The following AHRR variants were observed in gnomAD, a reference collection of about 807,000 sequenced individuals.
AHRR encodes the protein ahR repressor.
A neutral mutation model predicts 44.0 loss-of-function variants in AHRR; 28 were observed. The observed-to-expected ratio is 0.64, with a 90% CI of 0.47 to 0.87. AHRR has a LOEUF of 0.87. AHRR is among the 40% of genes least tolerant of loss of function. The pLI, the probability that AHRR is intolerant of heterozygous loss-of-function variation, is 0.00. For missense variants in AHRR, 990 were observed against 953.9 expected (o/e 1.04, Z -0.50); for synonymous variants, 434 against 407.0 (o/e 1.07, Z -0.80).
In AHRR at chr5:434,250, G is replaced by A. The variant is rs371802661; in HGVS notation, c.1510G>A (p.Gly504Ser). The A allele has an allele frequency of 3.8e-6, 6 of 1,598,668 alleles. No individual in the cohort carries two copies. The highest frequency in any genetic ancestry group is 2.3e-5 in the South Asian group (2 of 88,058). ...TGGAGCTCAGCGTTTTGCCACGAGG[G>A]GCTATCCCATGGAGGACATGAAGCT... ...QPGAQRFATR[G>S]YPMEDMKLQG... The change falls in exon 11 of 11, where the codon GGC becomes AGC. Residue 504 changes from glycine to serine, a missense_variant. Gly to Ser is a moderately conservative substitution (Grantham distance 56). Transcript: ENST00000684583.
In AHRR at chr5:434,261, G is replaced by C; in HGVS notation, c.1521G>C (p.Met507Ile). The C allele has an allele frequency of 2.5e-6, 4 of 1,602,390 alleles. No individual in the cohort carries two copies. The South Asian group carries it at 3.4e-5, about 14-fold the overall frequency. ...GTTTTGCCACGAGGGGCTATCCCAT[G>C]GAGGACATGAAGCTGCAAGGTGTAC... ...AQRFATRGYP[M>I]EDMKLQGVPM... Residue 507 changes from methionine (M) to isoleucine (I), a missense_variant, in exon 11 of 11, where the codon ATG becomes ATC. By Grantham distance (10) the Met-to-Ile change is conservative (BLOSUM62 1). Coordinates refer to ENST00000684583, the MANE Select transcript of AHRR (RefSeq NM_001377236.1).
Position 342,674 on chromosome 5 carries a change from C to T in AHRR, c.-10-1219C>T, listed in dbSNP as rs1742386093. Among the ~76,000 whole-genome samples, 1 of 152,254 alleles carries T rather than the reference C, an allele frequency of 6.6e-6. No individual in the cohort carries two copies. The highest frequency in any genetic ancestry group is 1.5e-5 in the Non-Finnish European group (1 of 68,050). Reference sequence around the variant, plus strand: ...GGTCAGGTGAGGGCTCCTTAACTTCCTCCCCAAGGCTTCTGGCCCAGAGCC... The same window carrying T: ...GGTCAGGTGAGGGCTCCTTAACTTCTTCCCCAAGGCTTCTGGCCCAGAGCC... On this transcript the variant is annotated intron_variant, in intron 1 of 10. Coordinates refer to ENST00000684583, the MANE Select transcript of AHRR (RefSeq NM_001377236.1). The surrounding 1 kb of genome is among the most constrained non-coding windows in gnomAD (Gnocchi z 4.3).
intron 3 of AHRR, 122 bp from the exon 4 acceptor site, chr5:376,488 C>T: frequency 2.7e-5 from 1 of 36,430 alleles, no homozygotes; most frequent in Non-Finnish European, 7.4e-5. Context: ...CAGTGCAGCC[C>T]AGGCCAGATG....
At chr5:369,813 T>C (rs557259855) in intron 3 of AHRR, among the ~76,000 whole-genome samples, 1 of 152,380 alleles carries the variant, frequency 6.6e-6, no homozygotes, top group South Asian at 2.1e-4. Context: ...GACATTTTCT[T>C]CCGGAATGTA....
At chr5:382,850 G>A (rs1355742000) in intron 4 of AHRR, among the ~76,000 whole-genome samples, 2 of 151,872 alleles carry the variant, frequency 1.3e-5, no homozygotes, top group African/African-American at 4.8e-5. Context: ...TAAGATGGAA[G>A]TTTAAATCAC....
intron 4 of AHRR, among the ~76,000 whole-genome samples, chr5:398,023 C>T (rs1734824663): frequency 2.3e-5 from 3 of 129,168 alleles, no homozygotes; most frequent in African/African-American, 2.8e-5. Context: ...TGACCATCCA[C>T]GTAGCTCCTG....
In AHRR at chr5:435,106, A is replaced by G. The variant is rs1579720523; in HGVS notation, c.*272A>G. 9 of 482,540 alleles carry G rather than the reference A, an allele frequency of 1.9e-5. 1 individual carries two copies. The East Asian group carries it at 3.2e-4, about 17-fold the overall frequency. 29.9% of individuals were successfully genotyped at this position (482,540 alleles called of 1,614,324 possible). ...TTTGAGGAATTAAAATCTTTAGGAA[A>G]GTGATCATGGCTGGACAGCTTCATG... On this transcript the variant is annotated 3_prime_UTR_variant, in exon 11 of 11. Coordinates refer to ENST00000684583, the MANE Select transcript of AHRR (RefSeq NM_001377236.1).
chr5:434,635 A>C lies in AHRR; in HGVS notation c.1895A>C (p.His632Pro). Reference protein sequence around the residue: ...TDGLPQSEPPHQLCARGRGEQ... With the variant: ...TDGLPQSEPPPQLCARGRGEQ... ...GGCCTTCCCCAGTCGGAGCCTCCCC[A>C]CCAGCTCTGTGCACGGGGCCGAGGT... Residue 632 changes from histidine to proline, a missense_variant, in exon 11 of 11, where the codon CAC (histidine) becomes CCC (proline). Physicochemically the swap from His to Pro is moderately conservative, Grantham distance 77 (BLOSUM62 -2). Coordinates refer to ENST00000684583, the MANE Select transcript of AHRR (RefSeq NM_001377236.1). 6.4e-7 allele frequency: 1 copy of C among 1,562,548 alleles called. No homozygotes were observed. The highest frequency in any genetic ancestry group is 2.4e-5 in the East Asian group (1 of 41,800).
intron 2 of AHRR, among the ~76,000 whole-genome samples, chr5:344,395 T>G (rs28374922): frequency 1.9e-5 from 2 of 105,772 alleles, no homozygotes; most frequent in East Asian, 2.5e-4. Context: ...TGTCTGCGGG[T>G]GGGGAGGGCT....
At chr5:343,564 C>G (rs568223733) in intron 1 of AHRR, 2 of 354,252 alleles carry the variant, frequency 5.6e-6, no homozygotes, top group East Asian at 1.3e-4. Flanking sequence ...TCCTGGCTTC[C>G]TCGATGGCTT....
At chr5:427,602 T>G (rs1185290986) in intron 7 of AHRR, 26 of 1,611,444 alleles carry the variant, frequency 1.6e-5, no homozygotes, top group Non-Finnish European at 2.0e-5. Context: ...GGGGATGGTT[T>G]CAGGATGATT....
chr5:433,239 C>G (rs1304557008), intron 10 of AHRR, among the ~76,000 whole-genome samples: 1 of 152,130 alleles, frequency 6.6e-6, no homozygotes, highest in Non-Finnish European at 1.5e-5. Context: ...CACTCGGACC[C>G]TGGGTCACCC....
chr5:341,679 G>A (rs763271070), intron 1 of AHRR, among the ~76,000 whole-genome samples: 12 of 151,558 alleles, frequency 7.9e-5, no homozygotes, highest in Non-Finnish European at 1.8e-4. Flanking sequence ...GAGCCACCAC[G>A]CCCTGCCAAT....
intron 3 of AHRR, among the ~76,000 whole-genome samples, chr5:366,417 G>A (rs982325941): frequency 1.5e-5 from 2 of 134,560 alleles, no homozygotes; most frequent in African/African-American, 5.8e-5. Context: ...TGATTTTATA[G>A]GGTCACATTT....
Position 434,193 on chromosome 5 carries a change from C to G in AHRR, c.1453C>G (p.Gln485Glu), listed in dbSNP as rs758859562. Residue 485 changes from glutamine to glutamate, a missense_variant, in exon 11 of 11, where the codon CAG becomes GAG. By Grantham distance (29) the Gln-to-Glu change is conservative. Transcript: ENST00000684583. Reference protein sequence around the residue: ...QVHPPLCHFPQRSLQHQLPQP... With the variant: ...QVHPPLCHFPERSLQHQLPQP... ...GCACCCTCCCCTCTGCCACTTTCCC[C>G]AGAGGAGCCTGCAGCACCAGCTCCC... 1 of 1,593,482 alleles carries G rather than the reference C, an allele frequency of 6.3e-7. No individual in the cohort carries two copies.
At position 432,918 on chromosome 5, in the gene AHRR, C is replaced by G. The variant is rs1196706433; in HGVS notation, c.1083C>G (p.Asp361Glu). Residue 361 changes from aspartate to glutamate, a missense_variant, in exon 10 of 11, where the codon GAC (aspartate) becomes GAG (glutamate). Asp to Glu is a conservative substitution (Grantham distance 45). Coordinates refer to ENST00000684583, the MANE Select transcript of AHRR (RefSeq NM_001377236.1). ...GCCTGTGCCTCCGGGGTGGCCCTGACCTTGTCCTTGACCCCAAGGGGGGCT... is the reference window on the plus strand; with the variant it reads ...GCCTGTGCCTCCGGGGTGGCCCTGAGCTTGTCCTTGACCCCAAGGGGGGCT... ...APCLCLRGGP[D>E]LVLDPKGGSG... 1 of 1,612,108 alleles carries G rather than the reference C, an allele frequency of 6.2e-7. No individual in the cohort carries two copies. The highest frequency in any genetic ancestry group is 8.5e-7 in the Non-Finnish European group (1 of 1,179,260).
intron 1 of AHRR, among the ~76,000 whole-genome samples, chr5:330,625 T>C (rs561758039): frequency 6.6e-6 from 1 of 152,164 alleles, no homozygotes; most frequent in Non-Finnish European, 1.5e-5. Context: ...CCACCTGCCT[T>C]GGCCTCCCAA....
rs557487312 is a variant in AHRR, at chr5:410,692, A to G, written c.352-2652A>G. 2.0e-5 allele frequency among the ~76,000 whole-genome samples: 3 copies of G among 152,254 alleles called. No homozygotes were observed. In the South Asian group the frequency reaches 6.2e-4, roughly 32 times the overall value. On this transcript the variant is annotated intron_variant, in intron 4 of 10. Transcript: ENST00000684583. ...AGTTTATTCAGGTATTTTCTCAGTG[A>G]TGTTGCTTTGTTTTCAATATACCAG... is the stretch of plus-strand genomic sequence containing the variant.
At chr5:427,012 G>GTGGA (rs1164929963) in intron 7 of AHRR, among the ~76,000 whole-genome samples, 1 of 140,126 alleles carries the variant, frequency 7.1e-6, no homozygotes, top group African/African-American at 2.7e-5. Context: ...GGATGGGTGG[G>GTGGA]TGGATGGATG....
Sources: gnomAD v4.1 joint callset for allele counts (sites outside exome capture counted in the v4.1 genomes callset) on GRCh38, gnomAD v4.1.1 for gene constraint, Gnocchi (gnomAD v3.1) non-coding constraint, MANE v1.5 for transcripts, NCBI Gene and HGNC (gene_info 2026-07-23, HGNC 2026-07-21) for gene names.